Variants in DGAT2L6 observed in about 807,000 individuals in gnomAD.
DGAT2L6 encodes diacylglycerol O-acyltransferase 2-like protein 6.
Under a neutral mutation model 25.5 loss-of-function variants are expected in DGAT2L6, and 22 were observed. The observed-to-expected ratio is 0.86, with a 90% CI of 0.62 to 1.23. The LOEUF (loss-of-function observed/expected upper bound fraction) is 1.23. Among genes scored for constraint, DGAT2L6 ranks in the 50% most tolerant of loss-of-function variants. The pLI, the probability that DGAT2L6 is intolerant of heterozygous loss-of-function variation, is 0.00. For missense variants in DGAT2L6, 287 were observed against 253.2 expected (o/e 1.13, Z -0.91); for synonymous variants, 100 against 94.7 (o/e 1.06, Z -0.32).
chrX:70,191,164 C>T (rs1489985271), intron 1 of DGAT2L6, among the ~76,000 whole-genome samples: 3 of 112,414 alleles, frequency 2.7e-5, no homozygotes, highest in Non-Finnish European at 5.6e-5. Flanking sequence ...ATTCCAGTAA[C>T]AGCCCAAATA....
intron 1 of DGAT2L6, among the ~76,000 whole-genome samples, chrX:70,182,335 C>T (rs1351985461): frequency 9.1e-6 from 1 of 109,956 alleles, no homozygotes; most frequent in Non-Finnish European, 1.9e-5. Context: ...GGATGGCTTT[C>T]CCTCATCTCT....
chrX:70,190,435 G>T (rs1219980980), intron 1 of DGAT2L6, among the ~76,000 whole-genome samples: 1 of 108,853 alleles, frequency 9.2e-6, no homozygotes, highest in Non-Finnish European at 1.9e-5. Context: ...CCAACACCAA[G>T]GAAGGCTGTT....
At chrX:70,187,322 C>T (rs2085362840) in intron 1 of DGAT2L6, among the ~76,000 whole-genome samples, 1 of 109,986 alleles carries the variant, frequency 9.1e-6, no homozygotes, top group Non-Finnish European at 1.9e-5. Context: ...GTTTTCCAGG[C>T]AAAGGGGACC....
chrX:70,200,010 C>A, intron 3 of DGAT2L6, 128 bp downstream of exon 3: 2 of 720,334 alleles, frequency 2.8e-6, no homozygotes, highest in South Asian at 2.7e-5. Context: ...TAATGCAAAG[C>A]AAGGGCCCAA....
intron 5 of DGAT2L6, 82 bp from the exon 6 acceptor site, chrX:70,204,223 G>A: frequency 2.4e-6 from 2 of 821,961 alleles, no homozygotes; most frequent in Non-Finnish European, 3.5e-6. Flanking sequence ...TAATGGGGAG[G>A]TTGGAGAGGT....
At chrX:70,202,158 G>A in intron 5 of DGAT2L6, 94 bp downstream of exon 5, 1 of 844,379 alleles carries the variant, frequency 1.2e-6, no homozygotes, top group Non-Finnish European at 1.6e-6. Flanking sequence ...ACCTGTTAGA[G>A]GGCCCCCATC....
Position 70,205,288 on chromosome X carries a change from C to A in DGAT2L6, c.*182C>A. 1.9e-6 allele frequency: 1 copy of A among 533,243 alleles called. No homozygotes were observed. The highest frequency in any genetic ancestry group is 2.6e-6 in the Non-Finnish European group (1 of 377,672). 43.9% of individuals were successfully genotyped at this position (533,243 alleles called of 1,213,427 possible). On this transcript the variant is annotated 3_prime_UTR_variant, in exon 7 of 7. Transcript: ENST00000333026. ...AGAGTCCTCTCCCAAGTGGCTGAGG[C>A]AGGCTTAGGGGAAAGAACCAGAGGG...
In DGAT2L6 at chrX:70,194,230, G is replaced by GA. The variant is rs199504414; in HGVS notation, c.86-5034dup. Among the ~76,000 whole-genome samples, 949 of 111,376 alleles carry GA rather than the reference G, an allele frequency of 8.5e-3. 5 individuals carry two copies. The highest frequency in any genetic ancestry group is 0.015 in the Non-Finnish European group (770 of 52,972). ...TGTATACCAAAAACTGTAAGACATT[G>GA]AAAAAAATCGAAGAAGCCACAAATA... On this transcript the variant is annotated intron_variant, in intron 1 of 6. Coordinates refer to ENST00000333026, the MANE Select transcript of DGAT2L6 (RefSeq NM_198512.3).
intron 1 of DGAT2L6, among the ~76,000 whole-genome samples, chrX:70,194,460 G>A (rs1233608282): frequency 8.9e-6 from 1 of 111,745 alleles, no homozygotes; most frequent in African/African-American, 3.2e-5. Context: ...GAAAAACAAA[G>A]CTAGAGGCAT....
intron 1 of DGAT2L6, among the ~76,000 whole-genome samples, chrX:70,195,837 G>A (rs1025548090): frequency 9.0e-6 from 1 of 111,484 alleles, no homozygotes; most frequent in Admixed American, 9.5e-5. Context: ...TTTGTCAAAG[G>A]GCACAAAATT....
At chrX:70,202,091 T>C in intron 5 of DGAT2L6, 27 bp downstream of exon 5, 1 of 1,138,030 alleles carries the variant, frequency 8.8e-7, no homozygotes, top group Non-Finnish European at 1.2e-6. Flanking sequence ...TAGTGCTCTG[T>C]TGTCAGGGTG....
rs774750282 is a variant in DGAT2L6, at chrX:70,203,713, C to T, written c.648-592C>T. On this transcript the variant is annotated intron_variant, in intron 5 of 6. Coordinates refer to ENST00000333026, the MANE Select transcript of DGAT2L6 (RefSeq NM_198512.3). ...AGCACTAGATGAGGGGTACCTAATC[C>T]GCGTTGGGGGAAATGAAGTGGTCAA... Among the ~76,000 whole-genome samples, 36 of 110,493 alleles carry T rather than the reference C, an allele frequency of 3.3e-4. No homozygotes were observed. The Admixed American group carries it at 3.5e-3, about 11-fold the overall frequency.
chrX:70,194,573 C>T (rs1432086170), intron 1 of DGAT2L6, among the ~76,000 whole-genome samples: 1 of 111,373 alleles, frequency 9.0e-6, no homozygotes, highest in East Asian at 2.8e-4. Context: ...AGATAGATAG[C>T]CCAGAAATAA....
At chrX:70,181,097 C>CTGTTTT (rs2085341868) in intron 1 of DGAT2L6, among the ~76,000 whole-genome samples, 2 of 112,247 alleles carry the variant, frequency 1.8e-5, no homozygotes, top group South Asian at 7.4e-4. Context: ...CACAGTAATT[C>CTGTTTT]TGTTTTTATT....
At position 70,204,285 on chromosome X, in the gene DGAT2L6, T is replaced by A; in HGVS notation, c.648-20T>A. On this transcript the variant is annotated intron_variant, in intron 5 of 6. Coordinates refer to ENST00000333026, the MANE Select transcript of DGAT2L6 (RefSeq NM_198512.3). ...GGGATCTTCCTCAGAGAGCTCACAC[T>A]CCTGCCCCTCTCTTTGCAGGGCATA... 1 of 1,175,534 alleles carries A rather than the reference T, an allele frequency of 8.5e-7. No homozygotes were observed. Among genetic ancestry groups the A allele is most frequent in the Non-Finnish European group, 1.1e-6 (1 of 870,070 alleles).
At chrX:70,181,910 A>G (rs1177235713) in intron 1 of DGAT2L6, among the ~76,000 whole-genome samples, 1 of 111,915 alleles carries the variant, frequency 8.9e-6, no homozygotes, top group Non-Finnish European at 1.9e-5. Flanking sequence ...CAAGTACTGC[A>G]ATCCCTCTAA....
At chrX:70,184,167 T>C (rs1036981759) in intron 1 of DGAT2L6, among the ~76,000 whole-genome samples, 3 of 111,805 alleles carry the variant, frequency 2.7e-5, no homozygotes, top group Non-Finnish European at 5.6e-5. Flanking sequence ...ATTCACCCTG[T>C]ACCATAACAG....
At chrX:70,198,127 G>T (rs1013712660) in intron 1 of DGAT2L6, among the ~76,000 whole-genome samples, 4 of 112,485 alleles carry the variant, frequency 3.6e-5, no homozygotes, top group African/African-American at 1.3e-4. Flanking sequence ...CCTGGTCAAA[G>T]AAGTCATTCC....
At position 70,205,136 on chromosome X, in the gene DGAT2L6, C is replaced by T. The variant is rs765516269; in HGVS notation, c.*30C>T. 1 of 1,157,637 alleles carries T rather than the reference C, an allele frequency of 8.6e-7. No homozygotes were observed. Among genetic ancestry groups the T allele is most frequent in the East Asian group, 3.1e-5 (1 of 32,510 alleles). ...AGCCACATTCCCCATTGATCAACCC[C>T]CAAAGCCATGAGGGATCCAAGTAGA... On this transcript the variant is annotated 3_prime_UTR_variant, in exon 7 of 7. Coordinates refer to ENST00000333026, the MANE Select transcript of DGAT2L6 (RefSeq NM_198512.3).
Sources: gnomAD v4.1 joint callset for allele counts (sites outside exome capture counted in the v4.1 genomes callset) on GRCh38, gnomAD v4.1.1 for gene constraint, MANE v1.5 for transcripts, NCBI Gene and HGNC (gene_info 2026-07-23, HGNC 2026-07-21) for gene names.